FOXJ3: variants seen among roughly 807,000 people sequenced by gnomAD.
FOXJ3 encodes the protein forkhead box J3, also known as forkhead box protein J3.
Under a neutral mutation model 76.1 loss-of-function variants are expected in FOXJ3, and 22 were observed. The ratio of observed to expected loss-of-function variants is 0.29; its 90% CI spans 0.21 to 0.41. The LOEUF (loss-of-function observed/expected upper bound fraction) is 0.41, where lower values mean the gene tolerates loss of function less well. Among genes scored for constraint, FOXJ3 ranks in the 10% least tolerant of loss-of-function variants. The pLI, the probability that FOXJ3 is intolerant of heterozygous loss-of-function variation, is 1.00. For missense variants in FOXJ3, 613 were observed against 762.1 expected (o/e 0.80, Z 2.30); for synonymous variants, 269 against 261.2 (o/e 1.03, Z -0.29).
intron 11 of FOXJ3, among the ~76,000 whole-genome samples, chr1:42,188,459 T>C (rs1646480374): frequency 6.6e-6 from 1 of 152,240 alleles, no homozygotes; most frequent in African/African-American, 2.4e-5. Context: ...AATATATTTC[T>C]TGTTTGATAA....
intron 4 of FOXJ3, among the ~76,000 whole-genome samples, chr1:42,246,695 T>C (rs1157800391): frequency 6.6e-6 from 1 of 151,628 alleles, no homozygotes; most frequent in Non-Finnish European, 1.5e-5. Context: ...ACTAGGTATT[T>C]ACCCAAAGGA....
chr1:42,324,399 A>T (rs182993719), intron 1 of FOXJ3, among the ~76,000 whole-genome samples: 1 of 147,954 alleles, frequency 6.8e-6, no homozygotes, highest in South Asian at 2.1e-4. Context: ...AATACTATAT[A>T]TACTATATAT....
chr1:42,324,273 CTA>C (rs903669525), intron 1 of FOXJ3, among the ~76,000 whole-genome samples: 6 of 139,952 alleles, frequency 4.3e-5, no homozygotes, highest in Non-Finnish European at 7.6e-5. Flanking sequence ...CATATATACA[CTA>C]TATATATTAT....
At chr1:42,251,924 A>T (rs1650112802) in intron 4 of FOXJ3, among the ~76,000 whole-genome samples, 1 of 151,682 alleles carries the variant, frequency 6.6e-6, no homozygotes, top group Admixed American at 6.6e-5. Context: ...TCACCGTGTT[A>T]GCCAGGATGG....
intron 2 of FOXJ3, among the ~76,000 whole-genome samples, chr1:42,297,887 T>C (rs1653887602): frequency 6.6e-6 from 1 of 152,222 alleles, no homozygotes; most frequent in Non-Finnish European, 1.5e-5. Flanking sequence ...CCAGCTTTTC[T>C]TTATATGTCT....
At chr1:42,304,426 A>G (rs1267313751) in intron 2 of FOXJ3, among the ~76,000 whole-genome samples, 2 of 152,178 alleles carry the variant, frequency 1.3e-5, no homozygotes, top group Admixed American at 6.5e-5. Context: ...CGAAACCACC[A>G]AAGACTCAGA....
chr1:42,205,679 T>C (rs1646847046), intron 6 of FOXJ3, 83 bp downstream of exon 6: 3 of 798,198 alleles, frequency 3.8e-6, no homozygotes, highest in Non-Finnish European at 6.4e-6. Context: ...AACTGAACCA[T>C]ATAGGATTCT....
At chr1:42,301,511 T>C (rs1654149800) in intron 2 of FOXJ3, among the ~76,000 whole-genome samples, 1 of 152,160 alleles carries the variant, frequency 6.6e-6, no homozygotes, top group Non-Finnish European at 1.5e-5. Context: ...CTTCGTTCAC[T>C]TATTTTACTT....
At chr1:42,280,145 A>C (rs1448811831) in intron 2 of FOXJ3, 1 of 210,250 alleles carries the variant, frequency 4.8e-6, no homozygotes, top group East Asian at 1.8e-4. Flanking sequence ...AATGTATTAA[A>C]ACATGCACAA....
intron 1 of FOXJ3, among the ~76,000 whole-genome samples, chr1:42,319,153 C>T (rs112274246): frequency 6.6e-6 from 1 of 152,016 alleles, no homozygotes; most frequent in South Asian, 2.1e-4. Context: ...TCAATTGGGC[C>T]CAAGAGGTGG....
At chr1:42,314,793 C>T (rs769685589) in intron 1 of FOXJ3, among the ~76,000 whole-genome samples, 2 of 152,186 alleles carry the variant, frequency 1.3e-5, no homozygotes, top group Non-Finnish European at 2.9e-5. Context: ...CCATAAAACC[C>T]AGCAATTATA....
At chr1:42,322,122 G>C (rs914802385) in intron 1 of FOXJ3, among the ~76,000 whole-genome samples, 1 of 152,130 alleles carries the variant, frequency 6.6e-6, no homozygotes, top group Non-Finnish European at 1.5e-5. Flanking sequence ...ATAGAGACGT[G>C]AAGGGCCAAA....
At position 42,183,457 on chromosome 1, in the gene FOXJ3, C is replaced by G. The variant is rs541655994; in HGVS notation, c.1646-1433G>C. Among the ~76,000 whole-genome samples, 32 of 151,482 alleles carry G rather than the reference C, an allele frequency of 2.1e-4. 1 individual carries two copies. The highest frequency in any genetic ancestry group is 1.6e-3 in the Admixed American group (24 of 15,222). On this transcript the variant is annotated intron_variant, in intron 11 of 12. Coordinates refer to ENST00000361346, the MANE Select transcript of FOXJ3 (RefSeq NM_014947.5). ...ATATATTTTCATTAACAGGAGACAT[C>G]AAGTGTTATCGCCTCCAAAATGTCA...
At position 42,178,286 on chromosome 1, in the gene FOXJ3, T is replaced by A. The variant is rs1646252269; in HGVS notation, c.*1424A>T. On this transcript the variant is annotated 3_prime_UTR_variant, in exon 13 of 13. Coordinates refer to ENST00000361346, the MANE Select transcript of FOXJ3 (RefSeq NM_014947.5). ...CTCCTTTCAAGACAACCTAGATGAG[T>A]GGGGAAACCTGCTTTAGAAACCCTG... 6.6e-6 allele frequency: 1 copy of A among 151,930 alleles called. No homozygotes were observed. 9.4% of individuals were successfully genotyped at this position (151,930 alleles called of 1,614,324 possible).
chr1:42,316,147 T>C (rs760887912), intron 1 of FOXJ3, among the ~76,000 whole-genome samples: 22 of 151,972 alleles, frequency 1.4e-4, no homozygotes, highest in Admixed American at 2.0e-4. Flanking sequence ...TAGAACTAAG[T>C]ATTTTGAAAA....
At chr1:42,228,176 G>A (rs764239037) in intron 4 of FOXJ3, among the ~76,000 whole-genome samples, 2 of 152,026 alleles carry the variant, frequency 1.3e-5, no homozygotes, top group Admixed American at 6.5e-5. Context: ...TTCATAAACT[G>A]AAGAATCCAA....
intron 1 of FOXJ3, chr1:42,323,603 A>G (rs1557725252): frequency 1.7e-6 from 1 of 593,084 alleles, no homozygotes; most frequent in African/African-American, 2.0e-5. Context: ...CATAAGCAAA[A>G]AACACTCCCT....
At chr1:42,310,660 G>C (rs1654751749) in intron 2 of FOXJ3, among the ~76,000 whole-genome samples, 2 of 151,580 alleles carry the variant, frequency 1.3e-5, no homozygotes, top group African/African-American at 4.8e-5. Context: ...ATGTTGGCCA[G>C]GCTGGTCTCA....
chr1:42,285,513 G>C (rs144039160), intron 2 of FOXJ3, among the ~76,000 whole-genome samples: 17 of 152,148 alleles, frequency 1.1e-4, no homozygotes, highest in Non-Finnish European at 2.4e-4. Context: ...GGGAGGGTGA[G>C]AGGTGAAAGA....
Sources: allele counts gnomAD v4.1 joint callset (sites outside exome capture counted in the v4.1 genomes callset), GRCh38; gene constraint gnomAD v4.1.1; transcripts MANE v1.5; gene names NCBI Gene and HGNC (gene_info 2026-07-23, HGNC 2026-07-21).